LHFPL3: variants seen among roughly 807,000 people sequenced by gnomAD.
LHFPL3 encodes the protein LHFPL tetraspan subfamily member 3.
A neutral mutation model predicts 19.3 loss-of-function variants in LHFPL3; 5 were observed. The observed-to-expected ratio is 0.26, with a 90% CI of 0.14 to 0.54. The LOEUF is 0.54. LHFPL3 is among the 20% of genes least tolerant of loss of function. The pLI is 0.94. For synonymous variants in LHFPL3, 133 were observed against 126.2 expected (o/e 1.05, Z -0.36); for missense variants, 249 against 307.4 (o/e 0.81, Z 1.42).
intron 2 of LHFPL3, among the ~76,000 whole-genome samples, chr7:104,823,277 C>A (rs1790713206): frequency 6.6e-6 from 1 of 152,154 alleles, no homozygotes; most frequent in African/African-American, 2.4e-5. Flanking sequence ...GTTTGGAAGG[C>A]CCAGGTTCTA....
At chr7:104,644,736 C>G (rs963665009) in intron 1 of LHFPL3, among the ~76,000 whole-genome samples, 16 of 50,862 alleles carry the variant, frequency 3.1e-4, no homozygotes, top group Non-Finnish European at 5.6e-4. Context: ...GTTGCTCCCG[C>G]TTGGGACATT....
intron 2 of LHFPL3, among the ~76,000 whole-genome samples, chr7:104,793,839 G>A (rs1030227321): frequency 2.0e-5 from 3 of 152,190 alleles, no homozygotes; most frequent in Non-Finnish European, 2.9e-5. Context: ...AGAAGGTGGT[G>A]CCCAAAGAAA....
chr7:104,540,265 G>T (rs1794460179), intron 1 of LHFPL3, among the ~76,000 whole-genome samples: 1 of 152,138 alleles, frequency 6.6e-6, no homozygotes, highest in African/African-American at 2.4e-5. Flanking sequence ...ATAATGTTGA[G>T]CATGAGATAT....
At chr7:104,640,493 T>C (rs193241155) in intron 1 of LHFPL3, among the ~76,000 whole-genome samples, 1 of 152,350 alleles carries the variant, frequency 6.6e-6, no homozygotes, top group East Asian at 1.9e-4. Flanking sequence ...GGTGTATATG[T>C]GTCACATTTG....
At chr7:104,484,197 C>T (rs533528942) in intron 1 of LHFPL3, among the ~76,000 whole-genome samples, 2 of 152,276 alleles carry the variant, frequency 1.3e-5, no homozygotes, top group East Asian at 3.9e-4. Flanking sequence ...CTTCAGCCAT[C>T]AGATTTTTGA....
intron 1 of LHFPL3, among the ~76,000 whole-genome samples, chr7:104,548,445 A>G (rs529853709): frequency 1.3e-4 from 20 of 152,224 alleles, no homozygotes; most frequent in Non-Finnish European, 2.9e-4. Context: ...TAGATGATTT[A>G]CAAAGTTTAT....
chr7:104,657,957 T>C (rs1792149549), intron 1 of LHFPL3, among the ~76,000 whole-genome samples: 1 of 152,176 alleles, frequency 6.6e-6, no homozygotes, highest in South Asian at 2.1e-4. Context: ...GTCACCTTAA[T>C]CAAGTATTTT....
intron 1 of LHFPL3, among the ~76,000 whole-genome samples, chr7:104,512,750 AAGAG>A (rs201854253): frequency 0.033 from 4,986 of 151,972 alleles, 108 homozygotes; most frequent in Middle Eastern, 0.065. Context: ...AGAAAAAAAA[AAGAG>A]AGAGAGAGAG....
intron 2 of LHFPL3, among the ~76,000 whole-genome samples, chr7:104,763,251 T>C (rs769934548): frequency 1.3e-5 from 2 of 152,186 alleles, no homozygotes; most frequent in Non-Finnish European, 2.9e-5. Context: ...TCGCCAGACC[T>C]TGTCTTTATT....
intron 2 of LHFPL3, among the ~76,000 whole-genome samples, chr7:104,811,755 A>G (rs1420187974): frequency 6.6e-6 from 1 of 152,214 alleles, no homozygotes; most frequent in Non-Finnish European, 1.5e-5. Flanking sequence ...AAATGAATGC[A>G]TATATTAAAG....
intron 1 of LHFPL3, among the ~76,000 whole-genome samples, chr7:104,566,760 C>T (rs1036902201): frequency 2.0e-5 from 3 of 152,166 alleles, no homozygotes; most frequent in Admixed American, 6.5e-5. Context: ...GGAAATACTA[C>T]ACAAGATTGA....
chr7:104,724,162 G>C (rs1404090387), intron 1 of LHFPL3, among the ~76,000 whole-genome samples: 2 of 152,134 alleles, frequency 1.3e-5, no homozygotes, highest in African/African-American at 2.4e-5. Context: ...AGGTTAATAA[G>C]GTTCTGGTTA....
intron 1 of LHFPL3, among the ~76,000 whole-genome samples, chr7:104,378,235 C>G (rs952554985): frequency 6.6e-6 from 1 of 152,140 alleles, no homozygotes; most frequent in South Asian, 2.1e-4. Context: ...GCAGTTATCC[C>G]CTCATGCCTG....
chr7:104,839,221 G>T (rs528263763), intron 2 of LHFPL3, among the ~76,000 whole-genome samples: 1 of 152,158 alleles, frequency 6.6e-6, no homozygotes, highest in Non-Finnish European at 1.5e-5. Flanking sequence ...TGTTAAATTG[G>T]TAAGATTGTA....
intron 1 of LHFPL3, among the ~76,000 whole-genome samples, chr7:104,407,624 C>G (rs1161100352): frequency 1.3e-5 from 2 of 152,120 alleles, no homozygotes; most frequent in Non-Finnish European, 2.9e-5. Flanking sequence ...CCATTGCACT[C>G]CAGCCTGGGC....
intron 2 of LHFPL3, among the ~76,000 whole-genome samples, chr7:104,902,823 T>C (rs1354241367): frequency 6.6e-6 from 1 of 152,072 alleles, no homozygotes; most frequent in Non-Finnish European, 1.5e-5. Context: ...GCGAGGGATC[T>C]AATGAGGGAT....
At chr7:104,675,698 G>A (rs11761950) in intron 1 of LHFPL3, among the ~76,000 whole-genome samples, 21,322 of 152,130 alleles carry the variant, frequency 0.14, 1,594 homozygotes, top group East Asian at 0.19. Context: ...AGGTATTGCT[G>A]AAGAATCAAA....
intron 1 of LHFPL3, among the ~76,000 whole-genome samples, chr7:104,402,219 A>G (rs1445457619): frequency 1.3e-5 from 2 of 152,234 alleles, no homozygotes; most frequent in African/African-American, 4.8e-5. Context: ...CCAAACACAT[A>G]AAACAAAAGT....
intron 1 of LHFPL3, among the ~76,000 whole-genome samples, chr7:104,631,958 C>G (rs1791650202): frequency 6.6e-6 from 1 of 152,128 alleles, no homozygotes; most frequent in Non-Finnish European, 1.5e-5. Context: ...AGGAGGTTCT[C>G]CACATTAACA....
Sources: gnomAD v4.1 joint callset for allele counts (sites outside exome capture counted in the v4.1 genomes callset) on GRCh38, gnomAD v4.1.1 for gene constraint, MANE v1.5 for transcripts, NCBI Gene and HGNC (gene_info 2026-07-23, HGNC 2026-07-21) for gene names.